TRPM3: variants seen among roughly 807,000 people sequenced by gnomAD.
TRPM3 encodes the protein transient receptor potential cation channel subfamily M member 3.
A neutral mutation model predicts 181.2 loss-of-function variants in TRPM3; 77 were observed. The observed-to-expected ratio is 0.42, with a 90% CI of 0.35 to 0.51. TRPM3 has a LOEUF of 0.51. Ranked by LOEUF, TRPM3 falls within the 20% of genes least tolerant of loss-of-function variation. The pLI is 0.01. For missense variants in TRPM3, 1,759 were observed against 2,196.7 expected (o/e 0.80, Z 3.98); for synonymous variants, 745 against 796.4 (o/e 0.94, Z 1.09).
chr9:70,666,783 C>T (rs1234991446), intron 9 of TRPM3, among the ~76,000 whole-genome samples: 1 of 152,042 alleles, frequency 6.6e-6, no homozygotes, highest in African/African-American at 2.4e-5. Context: ...AATGTATGTT[C>T]TGGAGTTCTG....
chr9:70,927,036 T>G (rs1358468919), intron 1 of TRPM3, among the ~76,000 whole-genome samples: 1 of 152,196 alleles, frequency 6.6e-6, no homozygotes, highest in Non-Finnish European at 1.5e-5. Context: ...ACATGAAAAT[T>G]CATTCCAGAA....
At chr9:71,418,928 G>GTA (rs368413842) in intron 1 of TRPM3, among the ~76,000 whole-genome samples, 28,809 of 144,546 alleles carry the variant, frequency 0.2, 3,284 homozygotes, top group Middle Eastern at 0.29. Context: ...GTGTGTGTGT[G>GTA]TATATATATA....
rs186941855 is a variant in TRPM3 at position 70,551,650 on chromosome 9, C to T, written c.3574+1194G>A. The stretch of plus-strand genomic sequence containing the variant: ...CCTCTTCTACCACAAATGACTCATG[C>T]TGTATTGTAAATTATTTTGGGACTC... On this transcript the variant is annotated intron_variant, in intron 24 of 25. Coordinates refer to ENST00000677713, the MANE Select transcript of TRPM3 (RefSeq NM_001366145.2). Among the ~76,000 whole-genome samples the T allele has an allele frequency of 1.8e-4, 27 of 152,256 alleles. No homozygotes were observed. The East Asian group carries it at 3.9e-3, about 22-fold the overall frequency.
At chr9:71,216,049 G>A (rs951646070) in intron 1 of TRPM3, among the ~76,000 whole-genome samples, 2 of 152,214 alleles carry the variant, frequency 1.3e-5, no homozygotes, top group African/African-American at 4.8e-5. Context: ...TATTGTGAAA[G>A]CTAAGCATTT....
chr9:71,260,589 C>A (rs971558944), intron 1 of TRPM3, among the ~76,000 whole-genome samples: 3 of 152,152 alleles, frequency 2.0e-5, no homozygotes, highest in African/African-American at 7.2e-5. Flanking sequence ...TTAAAGAGAT[C>A]CTTCACATCC....
chr9:70,641,472 A>G (rs1203081779), intron 9 of TRPM3, among the ~76,000 whole-genome samples: 1 of 152,210 alleles, frequency 6.6e-6, no homozygotes, highest in African/African-American at 2.4e-5. Context: ...TTTAACAGAG[A>G]GGCAAACCAG....
At chr9:71,312,243 G>A (rs2088024403) in intron 1 of TRPM3, among the ~76,000 whole-genome samples, 1 of 152,074 alleles carries the variant, frequency 6.6e-6, no homozygotes, top group Non-Finnish European at 1.5e-5. Context: ...TTAAAAATGG[G>A]CAGAAGACAT....
intron 1 of TRPM3, among the ~76,000 whole-genome samples, chr9:71,313,271 C>A (rs764134610): frequency 1.2e-4 from 18 of 152,088 alleles, no homozygotes; most frequent in Admixed American, 2.6e-4. Flanking sequence ...TAAGTACTAT[C>A]TTTATGTTCT....
intron 1 of TRPM3, among the ~76,000 whole-genome samples, chr9:71,394,484 A>G (rs1001067908): frequency 3.3e-5 from 5 of 152,248 alleles, no homozygotes; most frequent in African/African-American, 1.2e-4. Flanking sequence ...CATGGAGACT[A>G]CAAGCTTCCA....
At chr9:71,295,408 G>A (rs559329326) in intron 1 of TRPM3, among the ~76,000 whole-genome samples, 2 of 150,046 alleles carry the variant, frequency 1.3e-5, no homozygotes, top group South Asian at 4.2e-4. Flanking sequence ...TAAAAGATTT[G>A]TTTTAAATGA....
intron 6 of TRPM3, among the ~76,000 whole-genome samples, chr9:70,787,923 C>T (rs2084259135): frequency 6.6e-6 from 1 of 151,168 alleles, no homozygotes; most frequent in South Asian, 2.1e-4. Flanking sequence ...TAACCTCCAC[C>T]CATATCAAGA....
In TRPM3 at chr9:70,940,821, TGAG is replaced by T. The variant is rs1318803805; in HGVS notation, c.178-76313_178-76311del. Among the ~76,000 whole-genome samples, 3 of 152,144 alleles carry T rather than the reference TGAG, an allele frequency of 2.0e-5. No individual in the cohort carries two copies. The East Asian group carries it at 5.8e-4, about 29-fold the overall frequency. ...TGAGGGAGCACCTGGTTAAATGCCT[TGAG>T]GAGAGAAAGAACTTGTTTGCATTTG... is the stretch of plus-strand genomic sequence containing the variant. On this transcript the variant is annotated intron_variant, in intron 1 of 25. Transcript: ENST00000677713.
chr9:70,623,025 G>C (rs1255813853), intron 14 of TRPM3, among the ~76,000 whole-genome samples: 1 of 151,640 alleles, frequency 6.6e-6, no homozygotes, highest in East Asian at 1.9e-4. Flanking sequence ...TTCTTTACTA[G>C]TTCCACAAAA....
chr9:70,610,894 G>T, intron 18 of TRPM3, 145 bp from the exon 19 acceptor site: 1 of 897,740 alleles, frequency 1.1e-6, no homozygotes, highest in Non-Finnish European at 1.7e-6. Flanking sequence ...CCTTCCCTAA[G>T]AGTGCATTTG....
rs568586838 is a variant in TRPM3, at chr9:71,047,078, C to A, written c.177+74100G>T. On this transcript the variant is annotated intron_variant, in intron 1 of 25. Coordinates refer to ENST00000677713, the MANE Select transcript of TRPM3 (RefSeq NM_001366145.2). ...TATAGTATTTTATAAAGATGAATTCCTCCAGATCATAAGGGAAATAAAAGA... is the reference window on the plus strand; with the variant it reads ...TATAGTATTTTATAAAGATGAATTCATCCAGATCATAAGGGAAATAAAAGA... Among the ~76,000 whole-genome samples, 61 of 152,208 alleles carry A rather than the reference C, an allele frequency of 4.0e-4. 1 individual carries two copies. The South Asian group carries it at 0.012, about 31-fold the overall frequency.
chr9:71,003,989 A>T (rs530984104), intron 1 of TRPM3, among the ~76,000 whole-genome samples: 38 of 152,180 alleles, frequency 2.5e-4, no homozygotes, highest in Non-Finnish European at 5.0e-4. Context: ...TGGAAGGAGA[A>T]AATATGAGGT....
chr9:71,370,679 C>T (rs1419118452), intron 1 of TRPM3, among the ~76,000 whole-genome samples: 2 of 152,150 alleles, frequency 1.3e-5, no homozygotes, highest in African/African-American at 4.8e-5. Context: ...GAGCAAGTGC[C>T]AATGTAGAAG....
rs998063054 is a variant in TRPM3, at chr9:71,318,921, C to T, written c.183+127732G>A. On this transcript the variant is annotated intron_variant, in intron 1 of 24. Transcript: ENST00000357533. Reference sequence around the variant, plus strand: ...TATCTATCCCAGATCCCTCTCCCAGCCCCCTGCCCCAGTCCCCAGCTCCAA... The same window carrying T: ...TATCTATCCCAGATCCCTCTCCCAGTCCCCTGCCCCAGTCCCCAGCTCCAA... 1.4e-4 allele frequency among the ~76,000 whole-genome samples: 21 copies of T among 147,446 alleles called. No individual in the cohort carries two copies. In the Admixed American group the frequency reaches 1.4e-3, roughly 10 times the overall value.
chr9:70,700,611 G>A (rs1036722096), intron 8 of TRPM3, among the ~76,000 whole-genome samples: 1 of 152,174 alleles, frequency 6.6e-6, no homozygotes, highest in African/African-American at 2.4e-5. Flanking sequence ...GAAAAGAAAC[G>A]GATTTGGCAA....
Sources: gnomAD v4.1 joint callset for allele counts (sites outside exome capture counted in the v4.1 genomes callset) on GRCh38, gnomAD v4.1.1 for gene constraint, MANE v1.5 for transcripts, NCBI Gene and HGNC (gene_info 2026-07-23, HGNC 2026-07-21) for gene names.